Variants in ADAM10 observed in about 807,000 individuals in gnomAD.
ADAM10 encodes the protein disintegrin and metalloproteinase domain-containing protein 10.
ADAM10 carries 17 observed loss-of-function variants against 90.1 expected under a neutral mutation model. The observed-to-expected ratio is 0.19, with a 90% CI of 0.13 to 0.28. The LOEUF (loss-of-function observed/expected upper bound fraction) is 0.28, where lower values mean the gene tolerates loss of function less well. Among genes scored for constraint, ADAM10 ranks in the 10% least tolerant of loss-of-function variants. ADAM10 has a pLI of 1.00. For synonymous variants in ADAM10, 310 were observed against 298.6 expected, an observed-to-expected ratio of 1.04 and a Z score of -0.40; for missense variants, 610 against 914.3, an observed-to-expected ratio of 0.67 and a Z score of 4.29.
At chr15:58,705,513 T>C (rs998351142) in intron 2 of ADAM10, among the ~76,000 whole-genome samples, 3 of 152,188 alleles carry the variant, frequency 2.0e-5, no homozygotes, top group Non-Finnish European at 4.4e-5. Context: ...CTTAGTGCTC[T>C]GAATATGCAG....
intron 5 of ADAM10, chr15:58,655,347 A>AT (rs1221400103): frequency 1.3e-5 from 2 of 154,208 alleles, no homozygotes; most frequent in Non-Finnish European, 2.9e-5. Flanking sequence ...CAGGAAGCTT[A>AT]TAAGCATGGG....
chr15:58,598,167 A>G (rs1295041152), intron 15 of ADAM10, among the ~76,000 whole-genome samples: 2 of 152,236 alleles, frequency 1.3e-5, no homozygotes, highest in African/African-American at 4.8e-5. Context: ...TGTTGTAAAG[A>G]TTATATAATT....
At position 58,688,786 on chromosome 15, in the gene ADAM10, A is replaced by ATATATATATATATATATCTCTCTC; in HGVS notation, c.207-6473_207-6472insGAGAGAGATATATATATATATATA. ...AAAAATTATATATATATATATATAT[A>ATATATATATATATATATCTCTCTC]TCTCTCTCTCTCACTGGACTGACTT... On this transcript the variant is annotated intron_variant, in intron 2 of 15. Coordinates refer to ENST00000260408, the MANE Select transcript of ADAM10 (RefSeq NM_001110.4). Among the ~76,000 whole-genome samples the ATATATATATATATATATCTCTCTC allele has an allele frequency of 3.2e-3, 397 of 122,234 alleles. 2 individuals carry two copies. The highest frequency in any genetic ancestry group is 0.013 in the African/African-American group (364 of 27,700). 80.2% of individuals were successfully genotyped at this position (122,234 alleles called of 152,430 possible). A position where few individuals can be genotyped will look rare whatever the true frequency, so the allele number is the denominator to read the frequency against.
chr15:58,627,072 C>G (rs751680928), intron 10 of ADAM10, among the ~76,000 whole-genome samples: 5 of 152,072 alleles, frequency 3.3e-5, no homozygotes, highest in Non-Finnish European at 4.4e-5. Flanking sequence ...GATGTACAAA[C>G]TAGGACATAT....
At position 58,599,647 on chromosome 15, in the gene ADAM10, A is replaced by G; in HGVS notation, c.2103T>C (p.Val701=). ...ACTTTGGATTACTACTTGGAGTATG[A>G]ACACTGCATATCTTAATAAATCCAG... ...LMAGFIKICS[V]HTPSSNPKLP... is the part of the protein sequence containing the mutation. The change falls in exon 15 of 16, where the codon GTT becomes GTC. Residue 701 remains valine (V), a synonymous_variant. Transcript: ENST00000260408. 1.2e-6 allele frequency: 2 copies of G among 1,613,548 alleles called. No homozygotes were observed. Among genetic ancestry groups the G allele is most frequent in the Non-Finnish European group, 1.7e-6 (2 of 1,179,670 alleles).
intron 2 of ADAM10, among the ~76,000 whole-genome samples, chr15:58,695,845 G>A (rs193261885): frequency 1.8e-4 from 28 of 152,138 alleles, no homozygotes; most frequent in East Asian, 3.9e-4. Context: ...AGCAGGGTGC[G>A]GTGGCTCACA....
chr15:58,745,836 G>T (rs1389043066), intron 1 of ADAM10, among the ~76,000 whole-genome samples: 1 of 152,128 alleles, frequency 6.6e-6, no homozygotes, highest in Admixed American at 6.6e-5. Context: ...GGTGGCTACT[G>T]CCCTACTGCT....
intron 4 of ADAM10, among the ~76,000 whole-genome samples, chr15:58,670,373 T>C (rs1197032252): frequency 3.3e-5 from 5 of 152,106 alleles, no homozygotes; most frequent in African/African-American, 1.2e-4. Flanking sequence ...TGTCTGACAA[T>C]GCTACTTCTA....
intron 2 of ADAM10, among the ~76,000 whole-genome samples, chr15:58,685,574 A>ATATATATG (rs1555417909): frequency 1.3e-4 from 18 of 137,916 alleles, no homozygotes; most frequent in Non-Finnish European, 1.5e-5. Flanking sequence ...ATATATATAT[A>ATATATATG]TATATATATG....
intron 1 of ADAM10, among the ~76,000 whole-genome samples, chr15:58,726,566 CCAAAAAAAAAAA>C (rs1248791428): frequency 3.1e-4 from 3 of 9,806 alleles, no homozygotes; most frequent in South Asian, 6.9e-3. Flanking sequence ...CCTCAGTCTC[CCAAAAAAAAAAA>C]AAAAAAAAAA....
At chr15:58,703,207 C>A (rs1898179610) in intron 2 of ADAM10, among the ~76,000 whole-genome samples, 1 of 149,780 alleles carries the variant, frequency 6.7e-6, no homozygotes, top group Non-Finnish European at 1.5e-5. Flanking sequence ...ATTGTTTAGA[C>A]TTCGACTCAA....
At position 58,597,116 on chromosome 15, in the gene ADAM10, G is replaced by A. The variant is rs1299649457; in HGVS notation, c.*431C>T. 5.2e-6 allele frequency: 2 copies of A among 387,330 alleles called. No homozygotes were observed. Among genetic ancestry groups the A allele is most frequent in the African/African-American group, 2.0e-5 (1 of 48,970 alleles). The allele number at this position is 387,330 out of a possible 1,614,324, so 24.0% of individuals were successfully genotyped here. On this transcript the variant is annotated 3_prime_UTR_variant, in exon 16 of 16. Transcript: ENST00000260408. Reference sequence around the variant, plus strand: ...TGCATATAACAAGGTATGTACATTGGCAAGTGATGTCTCCAATGTTGAGGT... The same window carrying A: ...TGCATATAACAAGGTATGTACATTGACAAGTGATGTCTCCAATGTTGAGGT...
In ADAM10 at chr15:58,596,872, C is replaced by T. The variant is rs1024656527; in HGVS notation, c.*675G>A. 6.4e-6 allele frequency: 1 copy of T among 155,262 alleles called. No individual in the cohort carries two copies. The highest frequency in any genetic ancestry group is 1.4e-5 in the Non-Finnish European group (1 of 69,772). The allele number at this position is 155,262 out of a possible 1,614,324, so 9.6% of individuals were successfully genotyped here. ...AGTATCAAAACCAACTCCATCGTAACAGAAAGGTAAATTGATTTTCATTTC... is the reference window on the plus strand; with the variant it reads ...AGTATCAAAACCAACTCCATCGTAATAGAAAGGTAAATTGATTTTCATTTC... On this transcript the variant is annotated 3_prime_UTR_variant, in exon 16 of 16. Coordinates refer to ENST00000260408, the MANE Select transcript of ADAM10 (RefSeq NM_001110.4).
At chr15:58,620,660 A>ATTTTTTTTTTTTTTTTTTTTTTTTTT (rs570842513) in intron 11 of ADAM10, among the ~76,000 whole-genome samples, 3 of 59,442 alleles carry the variant, frequency 5.0e-5, no homozygotes, top group Non-Finnish European at 7.0e-5. Flanking sequence ...AAGAATATGT[A>ATTTTTTTTTTTTTTTTTTTTTTTTTT]TTTTTTTTTT....
chr15:58,620,776 C>A (rs1392014880), intron 11 of ADAM10, among the ~76,000 whole-genome samples: 1 of 64,328 alleles, frequency 1.6e-5, no homozygotes, highest in Non-Finnish European at 2.4e-5. Flanking sequence ...TCACGCCATT[C>A]TCCTGCCTCA....
intron 14 of ADAM10, among the ~76,000 whole-genome samples, chr15:58,602,074 G>GTAACAGGAA (rs1895126446): frequency 6.6e-6 from 1 of 152,166 alleles, no homozygotes; most frequent in African/African-American, 2.4e-5. Flanking sequence ...TAATTTGGAA[G>GTAACAGGAA]TATGTAAATA....
intron 1 of ADAM10, among the ~76,000 whole-genome samples, chr15:58,726,468 G>A (rs1899029938): frequency 1.4e-5 from 2 of 145,256 alleles, no homozygotes; most frequent in Non-Finnish European, 3.0e-5. Flanking sequence ...AGGAGGCTAA[G>A]GCATGAGAAT....
At chr15:58,715,435 C>T (rs1231931302) in intron 2 of ADAM10, among the ~76,000 whole-genome samples, 2 of 151,778 alleles carry the variant, frequency 1.3e-5, no homozygotes, top group Non-Finnish European at 2.9e-5. Context: ...AAAAAGTACC[C>T]TAAAATGACC....
chr15:58,624,244 C>G (rs1895872446), intron 10 of ADAM10, among the ~76,000 whole-genome samples: 2 of 151,428 alleles, frequency 1.3e-5, no homozygotes, highest in Admixed American at 6.6e-5. Flanking sequence ...CGAGATCGTG[C>G]CACTGCACTC....
Sources: allele counts gnomAD v4.1 joint callset (sites outside exome capture counted in the v4.1 genomes callset), GRCh38; gene constraint gnomAD v4.1.1; transcripts MANE v1.5; gene names NCBI Gene and HGNC (gene_info 2026-07-23, HGNC 2026-07-21).